The following PLCZ1 variants were observed in gnomAD, a reference collection of about 807,000 sequenced individuals.
PLCZ1 encodes the protein 1-phosphatidylinositol 4,5-bisphosphate phosphodiesterase zeta-1.
Under a neutral mutation model 76.8 loss-of-function variants are expected in PLCZ1, and 64 were observed. The observed-to-expected ratio is 0.83, with a 90% CI of 0.68 to 1.03. The LOEUF (loss-of-function observed/expected upper bound fraction) is 1.03, where lower values mean the gene tolerates loss of function less well. Among genes scored for constraint, PLCZ1 ranks in the 50% least tolerant of loss-of-function variants. The pLI, the probability that PLCZ1 is intolerant of heterozygous loss-of-function variation, is 0.00. For missense variants in PLCZ1, 751 were observed against 713.7 expected (o/e 1.05, Z -0.60); for synonymous variants, 248 against 230.8 (o/e 1.07, Z -0.68).
intron 6 of PLCZ1, among the ~76,000 whole-genome samples, chr12:18,705,845 G>A (rs1227863352): frequency 1.3e-5 from 2 of 151,834 alleles, no homozygotes; most frequent in South Asian, 2.1e-4. Flanking sequence ...CAGCCTGGGT[G>A]ACAGAGCAAG....
At chr12:18,702,797 G>A (rs913394478) in intron 7 of PLCZ1, among the ~76,000 whole-genome samples, 1 of 148,580 alleles carries the variant, frequency 6.7e-6, no homozygotes, top group Non-Finnish European at 1.5e-5. Context: ...CACAAGGACT[G>A]AATATTGTAG....
intron 13 of PLCZ1, among the ~76,000 whole-genome samples, chr12:18,687,816 T>A (rs1426574460): frequency 1.3e-5 from 2 of 152,072 alleles, no homozygotes; most frequent in African/African-American, 2.4e-5. Flanking sequence ...TTCGGTGATA[T>A]GAGAGAAAAC....
intron 3 of PLCZ1, among the ~76,000 whole-genome samples, chr12:18,725,699 C>T (rs985018506): frequency 6.6e-6 from 1 of 152,150 alleles, no homozygotes; most frequent in African/African-American, 2.4e-5. Context: ...TTCCACCTCA[C>T]ACTTCAGGTG....
intron 6 of PLCZ1, among the ~76,000 whole-genome samples, chr12:18,712,199 C>A (rs1957427013): frequency 6.6e-6 from 1 of 152,012 alleles, no homozygotes; most frequent in South Asian, 2.1e-4. Context: ...ACAAAAACAA[C>A]ACAATGTCTG....
intron 3 of PLCZ1, among the ~76,000 whole-genome samples, chr12:18,734,962 GA>G (rs1390228966): frequency 6.6e-6 from 1 of 152,156 alleles, no homozygotes; most frequent in Non-Finnish European, 1.5e-5. Context: ...GAGTTATCAT[GA>G]AAGGGAGTTA....
intron 3 of PLCZ1, among the ~76,000 whole-genome samples, chr12:18,730,669 T>C (rs1958996218): frequency 6.6e-6 from 1 of 152,144 alleles, no homozygotes; most frequent in Non-Finnish European, 1.5e-5. Context: ...ATTTCCGTAC[T>C]TTTATAATGG....
the PLCZ1 span, among the ~76,000 whole-genome samples, chr12:18,664,627 G>T: frequency 0.52 from 78,244 of 151,726 alleles, 21,283 homozygotes; most frequent in South Asian, 0.66. Flanking sequence ...GAACTAGAAA[G>T]ACCATTTGAC....
chr12:18,666,988 T>C, the PLCZ1 span, among the ~76,000 whole-genome samples: 1 of 152,194 alleles, frequency 6.6e-6, no homozygotes, highest in Non-Finnish European at 1.5e-5. Flanking sequence ...GTAGCAATCA[T>C]GGCCTAGAAC....
chr12:18,714,119 C>A (rs909986242), intron 5 of PLCZ1, among the ~76,000 whole-genome samples: 16 of 152,104 alleles, frequency 1.1e-4, no homozygotes, highest in Admixed American at 5.9e-4. Context: ...AGGTCATTTG[C>A]CCCAAACTAC....
At chr12:18,703,075 T>C (rs976625987) in intron 7 of PLCZ1, among the ~76,000 whole-genome samples, 29 of 152,132 alleles carry the variant, frequency 1.9e-4, no homozygotes, top group African/African-American at 6.5e-4. Context: ...GATTCATATA[T>C]AATAGGAAGC....
chr12:18,713,894 C>T (rs1449115003), intron 5 of PLCZ1: 2 of 152,136 alleles, frequency 1.3e-5, no homozygotes. Flanking sequence ...ATCAGTTGTA[C>T]CCACTGTGTT....
At chr12:18,693,685 A>G in intron 12 of PLCZ1, 3 of 1,566,988 alleles carry the variant, frequency 1.9e-6, no homozygotes, top group Admixed American at 1.7e-5. Context: ...GTGGTGAGAG[A>G]GAAATTCAGC....
chr12:18,681,749 G>A (rs1026169887), downstream of PLCZ1, among the ~76,000 whole-genome samples: 28 of 152,004 alleles, frequency 1.8e-4, no homozygotes, highest in Non-Finnish European at 7.4e-5. Context: ...CAAAATTAGT[G>A]AGATAAGTTT....
intron 4 of PLCZ1, 99 bp from the exon 5 acceptor site, chr12:18,719,731 T>C: frequency 1.3e-6 from 1 of 759,580 alleles, no homozygotes; most frequent in Non-Finnish European, 2.0e-6. Context: ...TAGTAGAGCA[T>C]ATTTCTAAAA....
chr12:18,689,268 A>C, intron 12 of PLCZ1, among the ~76,000 whole-genome samples: 1 of 152,116 alleles, frequency 6.6e-6, no homozygotes, highest in East Asian at 1.9e-4. Flanking sequence ...GGTGTACCTC[A>C]TTCCAGAAAG....
intron 14 of PLCZ1, chr12:18,683,559 G>A: frequency 2.0e-6 from 3 of 1,485,418 alleles, no homozygotes; most frequent in Non-Finnish European, 2.7e-6. Context: ...CTTCCGCAAA[G>A]CGCTGCATGA....
At chr12:18,670,617 G>A in the PLCZ1 span, among the ~76,000 whole-genome samples, 4 of 152,114 alleles carry the variant, frequency 2.6e-5, no homozygotes, top group Admixed American at 2.6e-4. Flanking sequence ...AAAGCACTTA[G>A]GATAATGCTT....
the PLCZ1 span, among the ~76,000 whole-genome samples, chr12:18,654,759 G>A: frequency 7.9e-5 from 12 of 152,218 alleles, no homozygotes; most frequent in South Asian, 2.5e-3. Flanking sequence ...CTACTCATAA[G>A]GATCAAGATA....
the PLCZ1 span, among the ~76,000 whole-genome samples, chr12:18,670,699 T>C: frequency 6.6e-6 from 1 of 152,182 alleles, no homozygotes; most frequent in Non-Finnish European, 1.5e-5. Flanking sequence ...ATCAATCTCA[T>C]GATAAGTGGC....
Sources: allele counts gnomAD v4.1 joint callset (sites outside exome capture counted in the v4.1 genomes callset), GRCh38; gene constraint gnomAD v4.1.1; transcripts MANE v1.5; gene names NCBI Gene and HGNC (gene_info 2026-07-23, HGNC 2026-07-21).